The following SP140 variants were observed in gnomAD, a reference collection of about 807,000 sequenced individuals.
The protein encoded by SP140 is SP140 nuclear body protein.
Under a neutral mutation model 125.0 loss-of-function variants are expected in SP140, and 81 were observed. That is an observed-to-expected ratio of 0.65 (90% CI 0.54 to 0.78). The LOEUF (loss-of-function observed/expected upper bound fraction) is 0.78. SP140 is among the 30% of genes least tolerant of loss of function. The pLI is 0.00. For missense variants in SP140, 858 were observed against 1,037.0 expected, an observed-to-expected ratio of 0.83 and a Z score of 2.37; for synonymous variants, 312 against 354.0, an observed-to-expected ratio of 0.88 and a Z score of 1.33.
intron 16 of SP140, 47 bp from the exon 17 acceptor site, chr2:230,285,705 T>C: frequency 4.7e-6 from 7 of 1,479,998 alleles, no homozygotes; most frequent in Non-Finnish European, 6.6e-6. Context: ...CTGACAGCTG[T>C]TGTTCTGCCC....
chr2:230,270,899 A>G (rs982517824), intron 15 of SP140: 54 of 523,028 alleles, frequency 1.0e-4, no homozygotes, highest in East Asian at 5.8e-4. Flanking sequence ...GGTGGGCACA[A>G]TCTAATCTTG....
intron 1 of SP140, chr2:230,213,102 A>T: frequency 7.1e-7 from 1 of 1,414,990 alleles, no homozygotes; most frequent in Non-Finnish European, 9.9e-7. Context: ...TTCTTAATAC[A>T]TGCCTTCCAA....
At chr2:230,233,663 A>G (rs966954725) in intron 1 of SP140, among the ~76,000 whole-genome samples, 6 of 152,234 alleles carry the variant, frequency 3.9e-5, no homozygotes, top group Non-Finnish European at 8.8e-5. Flanking sequence ...TAGTGAATTT[A>G]TTACCCGTGA....
chr2:230,250,961 G>T lies in SP140; in HGVS notation c.977-20G>T, dbSNP rs200800256. ...GTTTTCTCTTCATAATTTCTTGAGG[G>T]ATTTCTTTTCTTTCTGCAGAGGGCA... On this transcript the variant is annotated intron_variant, in intron 9 of 26. Coordinates refer to ENST00000392045, the MANE Select transcript of SP140 (RefSeq NM_007237.5). 172 of 1,612,498 alleles carry T rather than the reference G, an allele frequency of 1.1e-4. No homozygotes were observed. The African/African-American group carries it at 2.1e-3, about 20-fold the overall frequency.
intron 15 of SP140, among the ~76,000 whole-genome samples, chr2:230,273,290 A>G (rs1333809493): frequency 6.6e-6 from 1 of 152,254 alleles, no homozygotes; most frequent in Non-Finnish European, 1.5e-5. Context: ...AAGGATATCA[A>G]CAGATAACTT....
intron 22 of SP140, among the ~76,000 whole-genome samples, chr2:230,302,138 C>T (rs900718267): frequency 4.0e-5 from 6 of 151,896 alleles, no homozygotes; most frequent in Non-Finnish European, 5.9e-5. Flanking sequence ...AACAATTACT[C>T]ACTTTGGGAG....
chr2:230,294,349 T>A lies in SP140; in HGVS notation c.2016+31T>A, dbSNP rs774739864. On this transcript the variant is annotated intron_variant, in intron 21 of 26. Transcript: ENST00000392045. ...TATTACATAGCTTTATACAGCTTCTTGTCACATAACTGATTTAGCATGCAC... is the reference window on the plus strand; with the variant it reads ...TATTACATAGCTTTATACAGCTTCTAGTCACATAACTGATTTAGCATGCAC... 15 of 1,535,834 alleles carry A rather than the reference T, an allele frequency of 9.8e-6. No homozygotes were observed. In the South Asian group the frequency reaches 1.6e-4, roughly 16 times the overall value.
chr2:230,277,427 C>A (rs146410692), intron 15 of SP140, among the ~76,000 whole-genome samples: 1 of 152,062 alleles, frequency 6.6e-6, no homozygotes. Context: ...CTTAATATAC[C>A]ACAGTATAGT....
intron 12 of SP140, among the ~76,000 whole-genome samples, chr2:230,268,735 G>T (rs1295091760): frequency 6.6e-6 from 1 of 152,192 alleles, no homozygotes; most frequent in African/African-American, 2.4e-5. Flanking sequence ...TCGAGTTGTT[G>T]TTGAGAAAGA....
intron 3 of SP140, among the ~76,000 whole-genome samples, chr2:230,239,486 C>T (rs2048419066): frequency 6.6e-6 from 1 of 152,140 alleles, no homozygotes; most frequent in Non-Finnish European, 1.5e-5. Context: ...TTCACTCTGT[C>T]ACCCAGGCTG....
chr2:230,225,210 A>T (rs2046181338), upstream of SP140, among the ~76,000 whole-genome samples: 1 of 152,176 alleles, frequency 6.6e-6, no homozygotes, highest in Admixed American at 6.5e-5. Context: ...GAGAAAACTT[A>T]GAATTGCACC....
Position 230,285,783 on chromosome 2 carries a change from C to G in SP140, c.1596C>G (p.Ser532=), listed in dbSNP as rs752158312. 1.2e-6 allele frequency: 2 copies of G among 1,613,714 alleles called. No homozygotes were observed. Among genetic ancestry groups the G allele is most frequent in the Non-Finnish European group, 1.7e-6 (2 of 1,179,778 alleles). ...GCAAAGCCGACGGCCAGGTGGTCTC[C>G]AGTGAAAAGAAGGCGAACGTGAATC... ...DNSKADGQVV[S]SEKKANVNLK... Residue 532 remains serine, a synonymous_variant, in exon 17 of 27, where the codon TCC becomes TCG. Transcript: ENST00000392045.
chr2:230,288,183 G>A (rs921009448), intron 18 of SP140: 9 of 457,224 alleles, frequency 2.0e-5, no homozygotes, highest in African/African-American at 1.4e-4. Context: ...GGGGCCCAGG[G>A]GCCACTAAAG....
At chr2:230,196,478 A>T in the SP140 span, among the ~76,000 whole-genome samples, 3 of 152,130 alleles carry the variant, frequency 2.0e-5, no homozygotes, top group African/African-American at 7.2e-5. Context: ...TACTTATACA[A>T]AAATAAAGTG....
At chr2:230,219,908 AG>A (rs1361627502) in intron 3 of SP140, 54 of 985,262 alleles carry the variant, frequency 5.5e-5, no homozygotes, top group Non-Finnish European at 5.9e-5. Flanking sequence ...GCCCCTTTCC[AG>A]GGGCTGGGAC....
intron 1 of SP140, among the ~76,000 whole-genome samples, chr2:230,212,594 A>AC (rs908634782): frequency 1.4e-4 from 21 of 151,886 alleles, no homozygotes; most frequent in Non-Finnish European, 2.6e-4. Context: ...GGTCTTACCC[A>AC]CCCCCCGGCA....
At chr2:230,305,676 GC>G (rs1480778035) in intron 22 of SP140, among the ~76,000 whole-genome samples, 1 of 152,230 alleles carries the variant, frequency 6.6e-6, no homozygotes, top group Non-Finnish European at 1.5e-5. Context: ...TGGGGGTCGG[GC>G]CCGAACGCGG....
intron 12 of SP140, among the ~76,000 whole-genome samples, chr2:230,256,326 T>C (rs1427992218): frequency 6.6e-6 from 1 of 152,028 alleles, no homozygotes; most frequent in African/African-American, 2.4e-5. Context: ...ATATACACCA[T>C]GGAATACTAT....
intron 11 of SP140, among the ~76,000 whole-genome samples, chr2:230,254,785 G>A (rs1340318260): frequency 6.6e-6 from 1 of 152,154 alleles, no homozygotes; most frequent in African/African-American, 2.4e-5. Flanking sequence ...GATTTCTGTG[G>A]CTTCCACCCT....
Sources: allele counts gnomAD v4.1 joint callset (sites outside exome capture counted in the v4.1 genomes callset), GRCh38; gene constraint gnomAD v4.1.1; transcripts MANE v1.5; gene names NCBI Gene and HGNC (gene_info 2026-07-23, HGNC 2026-07-21).